SNX8: variants seen among roughly 807,000 people sequenced by gnomAD.
SNX8 encodes sorting nexin 8.
A neutral mutation model predicts 51.6 loss-of-function variants in SNX8; 25 were observed. The ratio of observed to expected loss-of-function variants is 0.48; its 90% confidence interval spans 0.35 to 0.68. SNX8 has a LOEUF of 0.68. SNX8 is among the 30% of genes least tolerant of loss of function. SNX8 has a pLI of 0.00. For synonymous variants in SNX8, 324 were observed against 277.0 expected (o/e 1.17, Z -1.68); for missense variants, 695 against 624.0 (o/e 1.11, Z -1.21).
At chr7:2,257,283 GCCCACCAGGACGGCTCCGGGT>G (rs1317527195) in intron 9 of SNX8, 61 bp downstream of exon 9, 1 of 1,477,568 alleles carries the variant, frequency 6.8e-7, no homozygotes, top group African/African-American at 1.4e-5. Context: ...ACCCAGGGGA[GCCCACCAGGACGGCTCCGGGT>G]CCCACCATGG....
At chr7:2,257,086 A>ATC (rs1467480832) in intron 9 of SNX8, 63 bp from the exon 10 acceptor site, 125 of 1,514,358 alleles carry the variant, frequency 8.3e-5, no homozygotes, top group Non-Finnish European at 1.0e-4. Flanking sequence ...CCAAGGCCCG[A>ATC]ACACCAGCGT....
chr7:2,269,130 C>T (rs1272820157), intron 5 of SNX8, among the ~76,000 whole-genome samples: 3 of 143,300 alleles, frequency 2.1e-5, no homozygotes, highest in East Asian at 2.1e-4. Context: ...GGATGGTTGC[C>T]GTGTCTGTGT....
intron 1 of SNX8, among the ~76,000 whole-genome samples, chr7:2,346,104 G>A (rs1005640269): frequency 1.3e-5 from 2 of 152,064 alleles, no homozygotes; most frequent in African/African-American, 4.8e-5. Flanking sequence ...ACCACACCCA[G>A]CCTATTTCTT....
intron 1 of SNX8, among the ~76,000 whole-genome samples, chr7:2,278,541 G>C (rs897117260): frequency 6.6e-5 from 10 of 152,184 alleles, no homozygotes; most frequent in Non-Finnish European, 8.8e-5. Context: ...TCAGCACATG[G>C]ACTCTGGCCA....
At chr7:2,332,683 A>T (rs1192857593) in intron 1 of SNX8, among the ~76,000 whole-genome samples, 1 of 151,378 alleles carries the variant, frequency 6.6e-6, no homozygotes, top group Non-Finnish European at 1.5e-5. Flanking sequence ...CCGGGACATC[A>T]AGGCTACTGT....
chr7:2,258,712 C>T (rs1795259532), intron 7 of SNX8, among the ~76,000 whole-genome samples: 1 of 152,136 alleles, frequency 6.6e-6, no homozygotes, highest in South Asian at 2.1e-4. Context: ...GGAAGAGAGG[C>T]GGCCGCCCCA....
intron 1 of SNX8, among the ~76,000 whole-genome samples, chr7:2,313,535 A>AAAG (rs1796701606): frequency 1.3e-5 from 2 of 149,502 alleles, no homozygotes; most frequent in Non-Finnish European, 2.9e-5. Flanking sequence ...AAAAAAAAAA[A>AAAG]AAAAGAAAAG....
chr7:2,331,184 C>CAAAAAAAAAAAAAAAAAA (rs71023397), intron 1 of SNX8, among the ~76,000 whole-genome samples: 2 of 76,704 alleles, frequency 2.6e-5, no homozygotes, highest in Non-Finnish European at 4.7e-5. Context: ...GACTCTGTCT[C>CAAAAAAAAAAAAAAAAAA]AAAAAAAAAA....
At chr7:2,281,963 C>T (rs1795916805) in intron 1 of SNX8, among the ~76,000 whole-genome samples, 1 of 152,132 alleles carries the variant, frequency 6.6e-6, no homozygotes, top group African/African-American at 2.4e-5. Flanking sequence ...CAAACTGCTT[C>T]ACTGTGGGCT....
rs1180972595 is a variant in SNX8 at position 2,264,446 on chromosome 7, C to G, written c.634G>C (p.Ala212Pro). Reference sequence around the variant, plus strand: ...ATGGCAAACTGAGCCTGGATGTCAGCTGGGAGGAAGTCCTGACATCATGAT... The same window carrying G: ...ATGGCAAACTGAGCCTGGATGTCAGGTGGGAGGAAGTCCTGACATCATGAT... ...LATRAKDFLP[A>P]DIQAQFAISR... Residue 212 changes from alanine (A) to proline (P), a missense_variant, in exon 6 of 11, where the codon GCT becomes CCT. Transcript: ENST00000222990. 3 of 1,610,988 alleles carry G rather than the reference C, an allele frequency of 1.9e-6. No homozygotes were observed. The highest frequency in any genetic ancestry group is 3.3e-5 in the Admixed American group (2 of 60,004).
At chr7:2,303,762 C>T (rs192938128) in intron 1 of SNX8, among the ~76,000 whole-genome samples, 1 of 151,906 alleles carries the variant, frequency 6.6e-6, no homozygotes, top group South Asian at 2.1e-4. Context: ...GCAGCATGCT[C>T]GTTAAGAGTC....
intron 1 of SNX8, among the ~76,000 whole-genome samples, chr7:2,322,257 G>C (rs1249030859): frequency 6.6e-6 from 1 of 152,194 alleles, no homozygotes; most frequent in African/African-American, 2.4e-5. Flanking sequence ...TAAAATGCTG[G>C]TGTGGTGGCT....
At chr7:2,260,501 G>A (rs909304890) in intron 7 of SNX8, among the ~76,000 whole-genome samples, 5 of 152,122 alleles carry the variant, frequency 3.3e-5, no homozygotes, top group African/African-American at 9.7e-5. Flanking sequence ...TAATGCATGC[G>A]CCTTTAACCA....
rs1795828966 is a variant in SNX8, at chr7:2,278,249, G to C, written c.151C>G (p.Pro51Ala). 3 of 1,609,304 alleles carry C rather than the reference G, an allele frequency of 1.9e-6. No homozygotes were observed. Among genetic ancestry groups the C allele is most frequent in the Non-Finnish European group, 2.5e-6 (3 of 1,176,564 alleles). The part of the protein sequence containing the change: ...PQAIVQQVPA[P>A]SRMQMPQGNP... The stretch of plus-strand genomic sequence containing the variant: ...CCCTGCGGCATCTGCATTCGACTGG[G>C]GGCTGGGACCTGCTGCACGATGGCC... The change falls in exon 2 of 11, where the codon CCC (proline) becomes GCC (alanine). Residue 51 changes from proline to alanine, a missense_variant. Pro to Ala is a conservative substitution (Grantham distance 27, BLOSUM62 -1). Coordinates refer to ENST00000222990, the MANE Select transcript of SNX8 (RefSeq NM_013321.4).
At chr7:2,268,930 C>T (rs1795567872) in intron 5 of SNX8, among the ~76,000 whole-genome samples, 1 of 126,594 alleles carries the variant, frequency 7.9e-6, no homozygotes, top group Admixed American at 8.0e-5. Context: ...CCTGCCTGGC[C>T]AGCCGCCCCG....
intron 1 of SNX8, 66 bp downstream of exon 1, chr7:2,314,262 G>T: frequency 1.7e-6 from 2 of 1,211,138 alleles, no homozygotes; most frequent in Non-Finnish European, 2.1e-6. Context: ...GCTGAGCCCC[G>T]TCCGCCGGGG....
intron 2 of SNX8, among the ~76,000 whole-genome samples, chr7:2,277,825 A>T (rs542572490): frequency 1.3e-5 from 2 of 151,930 alleles, no homozygotes; most frequent in East Asian, 3.9e-4. Context: ...AAAAAAAAGA[A>T]ACAGGACTCC....
intron 1 of SNX8, among the ~76,000 whole-genome samples, chr7:2,332,218 T>A (rs1055811498): frequency 6.7e-6 from 1 of 149,592 alleles, no homozygotes; most frequent in Non-Finnish European, 1.5e-5. Context: ...GAAAAAAATA[T>A]ATATATATGT....
chr7:2,325,796 C>T (rs559780603), intron 1 of SNX8, among the ~76,000 whole-genome samples: 1 of 151,910 alleles, frequency 6.6e-6, no homozygotes, highest in African/African-American at 2.4e-5. Flanking sequence ...CGTGCCACTG[C>T]ACCCCAGCCT....
Sources: gnomAD v4.1 joint callset for allele counts (sites outside exome capture counted in the v4.1 genomes callset) on GRCh38, gnomAD v4.1.1 for gene constraint, MANE v1.5 for transcripts, NCBI Gene and HGNC (gene_info 2026-07-23, HGNC 2026-07-21) for gene names.